The following SNX13 variants were observed in gnomAD, a reference collection of about 807,000 sequenced individuals.
SNX13 encodes sorting nexin 13, also known as sorting nexin-13.
A neutral mutation model predicts 133.6 loss-of-function variants in SNX13; 45 were observed. That is an observed-to-expected ratio of 0.34 (90% CI 0.27 to 0.43). The LOEUF is 0.43. Among genes scored for constraint, SNX13 ranks in the 20% least tolerant of loss-of-function variants. The pLI is 1.00. For missense variants in SNX13, 1,032 were observed against 1,145.1 expected, an observed-to-expected ratio of 0.90 and a Z score of 1.43; for synonymous variants, 414 against 373.9, an observed-to-expected ratio of 1.11 and a Z score of -1.24.
chr7:17,882,981 G>A (rs1229105607), intron 5 of SNX13: 5 of 333,856 alleles, frequency 1.5e-5, no homozygotes, highest in South Asian at 5.5e-5. Flanking sequence ...AAACAAACAG[G>A]GTTCTTAACT....
At chr7:17,804,467 A>G (rs1424486913) in intron 20 of SNX13, among the ~76,000 whole-genome samples, 1 of 152,148 alleles carries the variant, frequency 6.6e-6, no homozygotes, top group African/African-American at 2.4e-5. Flanking sequence ...GACGTTGCAA[A>G]TCAGACATGT....
At position 17,934,485 on chromosome 7, in the gene SNX13, G is replaced by A. The variant is rs2128051995; in HGVS notation, c.12+5799C>T. 2.0e-5 allele frequency among the ~76,000 whole-genome samples: 3 copies of A among 152,270 alleles called. No homozygotes were observed. In the East Asian group the frequency reaches 5.8e-4, roughly 29 times the overall value. On this transcript the variant is annotated intron_variant, in intron 1 of 25. Transcript: ENST00000428135. Reference sequence around the variant, plus strand: ...AGAGGAGACTGAGATTAGCATGTGAGTCTGAGTAGACTACCTGGAGGTCTG... The same window carrying A: ...AGAGGAGACTGAGATTAGCATGTGAATCTGAGTAGACTACCTGGAGGTCTG...
chr7:17,817,312 T>C (rs1786773936), intron 18 of SNX13, among the ~76,000 whole-genome samples: 1 of 152,252 alleles, frequency 6.6e-6, no homozygotes, highest in African/African-American at 2.4e-5. Flanking sequence ...CTAGTGACTG[T>C]ACCTGACCAA....
intron 9 of SNX13, among the ~76,000 whole-genome samples, chr7:17,857,247 T>C (rs1027985951): frequency 5.3e-5 from 8 of 152,170 alleles, no homozygotes; most frequent in Non-Finnish European, 1.0e-4. Flanking sequence ...GTAGTAAAAG[T>C]ATCCCATCCA....
Position 17,792,252 on chromosome 7 carries a change from C to T in SNX13, c.*1793G>A, listed in dbSNP as rs954801609. On this transcript the variant is annotated 3_prime_UTR_variant, in exon 26 of 26. Transcript: ENST00000428135. Reference sequence around the variant, plus strand: ...TTTCAAACATTTTCACTTTTAAAGCCTGGGGCTCAGGGAGGGGCCAAGGCA... The same window carrying T: ...TTTCAAACATTTTCACTTTTAAAGCTTGGGGCTCAGGGAGGGGCCAAGGCA... 1 of 151,864 alleles carries T rather than the reference C, an allele frequency of 6.6e-6. No homozygotes were observed. 9.4% of individuals were successfully genotyped at this position (151,864 alleles called of 1,614,324 possible).
At chr7:17,856,703 G>A (rs1351630594) in intron 9 of SNX13, among the ~76,000 whole-genome samples, 2 of 150,126 alleles carry the variant, frequency 1.3e-5, no homozygotes, top group Admixed American at 6.7e-5. Context: ...GAGTTGGGAG[G>A]ATCACATGAG....
intron 5 of SNX13, chr7:17,889,973 C>T (rs757529849): frequency 1.3e-5 from 2 of 155,258 alleles, no homozygotes; most frequent in African/African-American, 4.8e-5. Flanking sequence ...TACAGCAAAA[C>T]TATGTGGAGA....
At chr7:17,877,497 A>G (rs1012009088) in intron 5 of SNX13, among the ~76,000 whole-genome samples, 1 of 152,138 alleles carries the variant, frequency 6.6e-6, no homozygotes, top group Non-Finnish European at 1.5e-5. Flanking sequence ...AGTATAGGCC[A>G]TAGCTCATTT....
intron 9 of SNX13, 113 bp downstream of exon 9, chr7:17,868,294 T>C: frequency 1.3e-6 from 1 of 776,806 alleles, no homozygotes; most frequent in Non-Finnish European, 2.1e-6. Flanking sequence ...TTCAGAAACA[T>C]TTTTACTTAA....
intron 5 of SNX13, chr7:17,882,881 G>C (rs748089512): frequency 7.8e-7 from 1 of 1,278,526 alleles, no homozygotes; most frequent in South Asian, 1.3e-5. Flanking sequence ...GTTCCAGGAA[G>C]CGGAGGTTGC....
intron 9 of SNX13, 80 bp downstream of exon 9, chr7:17,868,326 TA>T: frequency 1.0e-6 from 1 of 957,940 alleles, no homozygotes. Context: ...AATTACTGCT[TA>T]AACACCCTAT....
At chr7:17,856,458 T>A (rs1791893610) in intron 9 of SNX13, among the ~76,000 whole-genome samples, 2 of 152,052 alleles carry the variant, frequency 1.3e-5, no homozygotes, top group South Asian at 4.1e-4. Flanking sequence ...GTAGTAACAC[T>A]AAATGTAAGT....
intron 11 of SNX13, among the ~76,000 whole-genome samples, chr7:17,846,043 C>T (rs1382482694): frequency 6.6e-6 from 1 of 151,896 alleles, no homozygotes; most frequent in Non-Finnish European, 1.5e-5. Flanking sequence ...TTAATATACG[C>T]AAGAATTTTA....
At chr7:17,801,018 A>T (rs1426868800) in intron 22 of SNX13, among the ~76,000 whole-genome samples, 645 of 11,694 alleles carry the variant, frequency 0.055, 29 homozygotes, top group African/African-American at 0.13. Flanking sequence ...ACATATATAT[A>T]TATATATATA....
chr7:17,905,995 T>C (rs1413947614), intron 1 of SNX13, among the ~76,000 whole-genome samples: 1 of 151,832 alleles, frequency 6.6e-6, no homozygotes, highest in Non-Finnish European at 1.5e-5. Context: ...TATATATAAA[T>C]ATTTCATTTA....
intron 22 of SNX13, among the ~76,000 whole-genome samples, chr7:17,799,462 T>C (rs1261619647): frequency 6.6e-6 from 1 of 151,808 alleles, no homozygotes; most frequent in Admixed American, 6.6e-5. Flanking sequence ...TGGAAGAGAC[T>C]GTATGAGTTT....
chr7:17,837,828 T>C (rs931427592), intron 13 of SNX13, among the ~76,000 whole-genome samples: 1 of 151,836 alleles, frequency 6.6e-6, no homozygotes, highest in African/African-American at 2.4e-5. Context: ...CCTTTTCTGG[T>C]GACACATTTT....
chr7:17,839,738 A>C (rs1464554005), intron 13 of SNX13, 69 bp downstream of exon 13: 3 of 1,295,094 alleles, frequency 2.3e-6, no homozygotes, highest in Non-Finnish European at 2.1e-6. Flanking sequence ...GCCTGGCATA[A>C]GCAATGGATT....
chr7:17,857,019 CA>C (rs1791991728), intron 9 of SNX13, among the ~76,000 whole-genome samples: 1 of 151,448 alleles, frequency 6.6e-6, no homozygotes, highest in South Asian at 2.1e-4. Context: ...AAAAAAGAGG[CA>C]CCAAAAAAAA....
Sources: gnomAD v4.1 joint callset for allele counts (sites outside exome capture counted in the v4.1 genomes callset) on GRCh38, gnomAD v4.1.1 for gene constraint, MANE v1.5 for transcripts, NCBI Gene and HGNC (gene_info 2026-07-23, HGNC 2026-07-21) for gene names.